ACAN: variants seen among roughly 807,000 people sequenced by gnomAD.
ACAN encodes the protein aggrecan, also known as aggrecan core protein.
In ACAN, 47 loss-of-function variants were observed where a neutral mutation model predicts 169.1. The observed-to-expected ratio is 0.28, with a 90% CI of 0.22 to 0.35. The LOEUF (loss-of-function observed/expected upper bound fraction) is 0.35, where lower values mean the gene tolerates loss of function less well. ACAN is among the 10% of genes least tolerant of loss of function. The pLI, the probability that ACAN is intolerant of heterozygous loss-of-function variation, is 1.00. For synonymous variants in ACAN, 1,115 were observed against 1,112.2 expected, an observed-to-expected ratio of 1.00 and a Z score of -0.05; for missense variants, 2,716 against 2,759.9, an observed-to-expected ratio of 0.98 and a Z score of 0.36.
At position 88,874,594 on chromosome 15, in the gene ACAN, C is replaced by T; in HGVS notation, c.*113C>T. 2.9e-6 allele frequency: 3 copies of T among 1,046,236 alleles called. No individual in the cohort carries two copies. The highest frequency in any genetic ancestry group is 4.3e-6 in the Non-Finnish European group (3 of 691,342). 64.8% of individuals were successfully genotyped at this position (1,046,236 alleles called of 1,614,324 possible). ...TCGCTTTTTGTCATATAAGGAATCC[C>T]ATTAAAGAAGGAAAAAAATAAATCC... On this transcript the variant is annotated 3_prime_UTR_variant, in exon 19 of 19. Transcript: ENST00000560601. The surrounding 1 kb of genome is among the most constrained non-coding windows in gnomAD (Gnocchi z 7.3).
chr15:88,812,357 A>G (rs779144110), intron 1 of ACAN, among the ~76,000 whole-genome samples: 1 of 151,764 alleles, frequency 6.6e-6, no homozygotes, highest in Non-Finnish European at 1.5e-5. Context: ...TGCACACAGC[A>G]ATTGATCAAG....
chr15:88,819,107 T>G (rs1222969798), intron 1 of ACAN, among the ~76,000 whole-genome samples: 1 of 152,144 alleles, frequency 6.6e-6, no homozygotes, highest in Admixed American at 6.5e-5. Flanking sequence ...GGGAGGCTAT[T>G]AAGCACTATA....
chr15:88,854,188 G>T (rs577253567), intron 11 of ACAN, among the ~76,000 whole-genome samples: 3 of 152,228 alleles, frequency 2.0e-5, no homozygotes, highest in South Asian at 4.1e-4. Flanking sequence ...TCACCACCTG[G>T]CCCTTTCTTC....
rs760468016 is a variant in ACAN, at chr15:88,836,233, G to C, written c.27G>C (p.Val9=). 2.5e-6 allele frequency: 4 copies of C among 1,613,882 alleles called. No homozygotes were observed. In the Admixed American group the frequency reaches 6.7e-5, roughly 27 times the overall value. The change falls in exon 2 of 19, where the codon GTG becomes GTC. Residue 9 remains valine (V), a synonymous_variant. Transcript: ENST00000560601. The part of the protein sequence containing the change: MTTLLWVF[V]TLRVITAAVT... ...TGACCACTTTACTCTGGGTTTTCGT[G>C]ACTCTGAGGGTCATCACTGCAGCTG...
At position 88,849,757 on chromosome 15, in the gene ACAN, C is replaced by T; in HGVS notation, c.2026+26C>T. The T allele has an allele frequency of 6.2e-7, 1 of 1,610,534 alleles. No homozygotes were observed. The highest frequency in any genetic ancestry group is 8.5e-7 in the Non-Finnish European group (1 of 1,178,482). On this transcript the variant is annotated intron_variant, in intron 10 of 18. Transcript: ENST00000560601. This position sits in a 1 kb window ranked among gnomAD's most constrained non-coding sequence, Gnocchi z 5.1. The stretch of plus-strand genomic sequence containing the variant: ...GTATGCAGCCTCACTTCGGCTCCAA[C>T]AGCCCCTTTTGTCTGGAGAGGACCC...
At chr15:88,809,234 C>G (rs1048665945) in intron 1 of ACAN, among the ~76,000 whole-genome samples, 1 of 152,124 alleles carries the variant, frequency 6.6e-6, no homozygotes, top group Admixed American at 6.5e-5. Context: ...CATAGTATTC[C>G]CTCTGCTTGG....
chr15:88,813,354 C>T (rs1189283014), intron 1 of ACAN, among the ~76,000 whole-genome samples: 5 of 152,226 alleles, frequency 3.3e-5, no homozygotes, highest in Non-Finnish European at 7.3e-5. Context: ...TTGCACTCTG[C>T]TCTTGTCATA....
In ACAN at chr15:88,821,347, G is replaced by C. The variant is rs151024869; in HGVS notation, c.-7-14853G>C. 3.9e-5 allele frequency among the ~76,000 whole-genome samples: 6 copies of C among 152,188 alleles called. No homozygotes were observed. The East Asian group carries it at 9.7e-4, about 25-fold the overall frequency. On this transcript the variant is annotated intron_variant, in intron 1 of 18. Transcript: ENST00000560601. ...GGGAAGGGTTGGGGGATGAGGGGTG[G>C]TCTCCCTAAGTTGTCGGGGATGATC...
chr15:88,822,389 T>C (rs1362477477), intron 1 of ACAN, among the ~76,000 whole-genome samples: 3 of 152,142 alleles, frequency 2.0e-5, no homozygotes, highest in Non-Finnish European at 4.4e-5. Flanking sequence ...CCCAGGAGCG[T>C]GAACACTATT....
chr15:88,847,725 C>T (rs972824619), intron 8 of ACAN, among the ~76,000 whole-genome samples, 186 bp from the exon 9 acceptor site: 12 of 152,208 alleles, frequency 7.9e-5, no homozygotes, highest in African/African-American at 2.9e-4. Flanking sequence ...CCCCAGGAGC[C>T]ACCAGATCCT....
In ACAN at chr15:88,856,968, C is replaced by T. The variant is rs1897063389; in HGVS notation, c.4383C>T (p.Thr1461=). 1 of 1,613,028 alleles carries T rather than the reference C, an allele frequency of 6.2e-7. No homozygotes were observed. The highest frequency in any genetic ancestry group is 8.5e-7 in the Non-Finnish European group (1 of 1,179,696). ...CTGGAGAAGTTCTAGAGACTTCTAC[C>T]TCTGCGGTAGGGGACCTCAGTGGAC... ...LPSGEVLETS[T]SAVGDLSGLP... Residue 1461 remains threonine (T), a synonymous_variant, in exon 12 of 19, where the codon ACC becomes ACT. Transcript: ENST00000560601.
chr15:88,854,481 T>G (rs551699871), intron 11 of ACAN, among the ~76,000 whole-genome samples: 17 of 152,316 alleles, frequency 1.1e-4, no homozygotes, highest in African/African-American at 4.1e-4. Flanking sequence ...TTGGTGGTCT[T>G]CAGTGGTGGG....
In ACAN at chr15:88,857,797, C is replaced by T; in HGVS notation, c.5212C>T (p.Gln1738Ter). 6.2e-7 allele frequency: 1 copy of T among 1,613,944 alleles called. No homozygotes were observed. The highest frequency in any genetic ancestry group is 8.5e-7 in the Non-Finnish European group (1 of 1,179,896). Residue 1738 changes from glutamine (Q) to a stop codon, truncating the protein, a stop_gained, in exon 12 of 19, where the codon CAG (glutamine) becomes TAG (stop). Transcript: ENST00000560601. LOFTEE classifies it high-confidence loss of function. ...ACCTGGACTCTTTGGTGTCAGTGGA[C>T]AGCCATCAGGGTTTCCTGACACTAG... Reference protein sequence around the residue: ...EIPGLFGVSGQPSGFPDTSGE... With the variant: ...EIPGLFGVSG
At chr15:88,834,576 T>G (rs869430) in intron 1 of ACAN, among the ~76,000 whole-genome samples, 104,643 of 152,164 alleles carry the variant, frequency 0.69, 36,474 homozygotes, top group African/African-American at 0.79. Flanking sequence ...GTTGCTGAAA[T>G]CTCCAATCTT....
rs753349925 is a variant in ACAN, at chr15:88,849,491, G to A, written c.1786G>A (p.Glu596Lys). Reference protein sequence around the residue: ...LEQFTFQEALEFCESHNATLA... With the variant: ...LEQFTFQEALKFCESHNATLA... ...GCAGTTCACCTTCCAGGAAGCACTG[G>A]AGTTCTGTGAATCTCACAATGCTAC... The change falls in exon 10 of 19, where the codon GAG (glutamate) becomes AAG (lysine). Residue 596 changes from glutamate (E) to lysine (K), a missense_variant. This residue lies in a region of ACAN where 1,283 missense variants were observed against 1,281.5 expected (regional missense o/e 1.00). Coordinates refer to ENST00000560601, the MANE Select transcript of ACAN (RefSeq NM_001369268.1). The surrounding 1 kb of genome is among the most constrained non-coding windows in gnomAD (Gnocchi z 5.1). The A allele has an allele frequency of 1.2e-6, 2 of 1,607,496 alleles. No homozygotes were observed. Among genetic ancestry groups the A allele is most frequent in the South Asian group, 2.2e-5 (2 of 90,358 alleles).
chr15:88,818,362 G>A (rs1895992968), intron 1 of ACAN, among the ~76,000 whole-genome samples: 1 of 152,230 alleles, frequency 6.6e-6, no homozygotes, highest in African/African-American at 2.4e-5. Context: ...TTGAGGTTCA[G>A]CTGCAATGCA....
intron 1 of ACAN, among the ~76,000 whole-genome samples, chr15:88,805,348 G>A (rs979304470): frequency 2.0e-5 from 3 of 152,156 alleles, no homozygotes; most frequent in Non-Finnish European, 4.4e-5. Context: ...AGCATTGAGC[G>A]GCAGTGGGGA....
At chr15:88,862,221 T>G (rs1047266147) in intron 13 of ACAN, among the ~76,000 whole-genome samples, 2 of 152,196 alleles carry the variant, frequency 1.3e-5, no homozygotes, top group African/African-American at 4.8e-5. Flanking sequence ...CAGCCTTCAT[T>G]TTCCTCATTT....
At chr15:88,850,032 A>C (rs1270054116) in intron 10 of ACAN, 2 of 599,136 alleles carry the variant, frequency 3.3e-6, no homozygotes, top group Admixed American at 3.0e-5. Flanking sequence ...TAGCTGTGTG[A>C]AAATGGAGAT....
Sources: allele counts gnomAD v4.1 joint callset (sites outside exome capture counted in the v4.1 genomes callset), GRCh38; gene constraint gnomAD v4.1.1; regional missense constraint gnomAD v4.1.1; non-coding constraint Gnocchi (gnomAD v3.1); transcripts MANE v1.5; gene names NCBI Gene and HGNC (gene_info 2026-07-23, HGNC 2026-07-21).